The following AOPEP variants were observed in gnomAD, a reference collection of about 807,000 sequenced individuals.
The protein encoded by AOPEP is aminopeptidase O (putative).
In AOPEP, 77 loss-of-function variants were observed where a neutral mutation model predicts 98.1. The observed-to-expected ratio is 0.78, with a 90% CI of 0.65 to 0.95. AOPEP has a LOEUF of 0.95. Among genes scored for constraint, AOPEP ranks in the 40% least tolerant of loss-of-function variants. The pLI is 0.00. For missense variants in AOPEP, 1,024 were observed against 1,024.7 expected, an observed-to-expected ratio of 1.00 and a Z score of 0.01; for synonymous variants, 346 against 365.3, an observed-to-expected ratio of 0.95 and a Z score of 0.60.
chr9:95,090,419 C>T (rs547632485), downstream of AOPEP, among the ~76,000 whole-genome samples: 6 of 152,332 alleles, frequency 3.9e-5, no homozygotes, highest in South Asian at 1.2e-3. Flanking sequence ...TAAACCATGT[C>T]CCCTGCTGCC....
intron 5 of AOPEP, among the ~76,000 whole-genome samples, chr9:94,861,409 T>A (rs1174126290): frequency 6.6e-6 from 1 of 152,222 alleles, no homozygotes; most frequent in Non-Finnish European, 1.5e-5. Flanking sequence ...GGTTCTTTCC[T>A]GTGTATTCAT....
intron 11 of AOPEP, among the ~76,000 whole-genome samples, chr9:94,991,506 T>A (rs937952684): frequency 6.6e-6 from 1 of 152,204 alleles, no homozygotes; most frequent in African/African-American, 2.4e-5. Flanking sequence ...AGCTATGGCT[T>A]GAGTACAGGA....
At chr9:94,831,454 T>C (rs1276184388) in intron 5 of AOPEP, among the ~76,000 whole-genome samples, 1 of 152,218 alleles carries the variant, frequency 6.6e-6, no homozygotes, top group Non-Finnish European at 1.5e-5. Flanking sequence ...TTGGTTACTG[T>C]AGCCTTGTAG....
At chr9:94,733,999 T>TC (rs1208083023) in intron 1 of AOPEP, among the ~76,000 whole-genome samples, 4 of 152,252 alleles carry the variant, frequency 2.6e-5, no homozygotes, top group African/African-American at 9.6e-5. Flanking sequence ...ATGTGCGTTC[T>TC]ATATTTATTC....
At chr9:94,840,732 A>C (rs371427046) in intron 5 of AOPEP, among the ~76,000 whole-genome samples, 2 of 152,104 alleles carry the variant, frequency 1.3e-5, no homozygotes, top group Non-Finnish European at 2.9e-5. Flanking sequence ...GGAAGTTTAT[A>C]GTATTCATGC....
rs545146639 is a variant in AOPEP at position 94,881,574 on chromosome 9, AC to A, written c.1365-42410del. Among the ~76,000 whole-genome samples, 14 of 152,278 alleles carry A rather than the reference AC, an allele frequency of 9.2e-5. No homozygotes were observed. The South Asian group carries it at 2.9e-3, about 32-fold the overall frequency. Reference sequence around the variant, plus strand: ...CCTCTCAAAATGTTCAGCTAAGGCCACCAATTCAGTCATGTCTGTAACTTCC... The same window carrying A: ...CCTCTCAAAATGTTCAGCTAAGGCCACAATTCAGTCATGTCTGTAACTTCC... On this transcript the variant is annotated intron_variant, in intron 5 of 16. Coordinates refer to ENST00000375315, the MANE Select transcript of AOPEP (RefSeq NM_001193329.3).
chr9:94,964,269 G>T lies in AOPEP; in HGVS notation c.1873-3489G>T, dbSNP rs1237282150. Among the ~76,000 whole-genome samples the T allele has an allele frequency of 5.3e-5, 8 of 152,180 alleles. No individual in the cohort carries two copies. The East Asian group carries it at 1.5e-3, about 29-fold the overall frequency. On this transcript the variant is annotated intron_variant, in intron 9 of 16. Coordinates refer to ENST00000375315, the MANE Select transcript of AOPEP (RefSeq NM_001193329.3). ...AGGCCTGAGCTCTGAGGTAGGAAGA[G>T]GCAGGTGCTCCAGGATCACAGCCCA...
chr9:95,074,911 G>A (rs1212342604), intron 14 of AOPEP, among the ~76,000 whole-genome samples: 2 of 152,216 alleles, frequency 1.3e-5, no homozygotes, highest in Non-Finnish European at 2.9e-5. Context: ...TCCTTGATAG[G>A]TGAGGTGTTG....
At chr9:95,085,553 G>C (rs779625121) in intron 16 of AOPEP, 1 of 492,308 alleles carries the variant, frequency 2.0e-6, no homozygotes, top group South Asian at 1.5e-5. Flanking sequence ...GATGGGGACA[G>C]TTAAGTTGGA....
chr9:94,752,444 A>G (rs1227338457), intron 1 of AOPEP, among the ~76,000 whole-genome samples: 1 of 152,164 alleles, frequency 6.6e-6, no homozygotes, highest in Non-Finnish European at 1.5e-5. Flanking sequence ...GCATGCTAAT[A>G]ACAAAATTCT....
At chr9:95,033,266 T>TA (rs1271442470) in intron 13 of AOPEP, among the ~76,000 whole-genome samples, 1 of 152,202 alleles carries the variant, frequency 6.6e-6, no homozygotes. Context: ...TTTCTAGTAC[T>TA]AACGTCTCCT....
chr9:94,745,948 G>A (rs184156744), intron 1 of AOPEP, among the ~76,000 whole-genome samples: 2 of 152,182 alleles, frequency 1.3e-5, no homozygotes, highest in Non-Finnish European at 2.9e-5. Flanking sequence ...CCTCCATACT[G>A]TACTTCATAG....
At chr9:95,000,569 G>A (rs759802483) in intron 11 of AOPEP, among the ~76,000 whole-genome samples, 3 of 152,098 alleles carry the variant, frequency 2.0e-5, no homozygotes, top group Non-Finnish European at 2.9e-5. Flanking sequence ...TTAGCTGGAC[G>A]TGGTGGCAGG....
the AOPEP span, chr9:95,135,230 A>G: frequency 2.0e-6 from 2 of 1,008,758 alleles, no homozygotes; most frequent in African/African-American, 3.2e-5. Flanking sequence ...ACGATTATAT[A>G]TAAAGGTTCC....
chr9:94,910,396 C>T (rs893729105), intron 5 of AOPEP, among the ~76,000 whole-genome samples: 7 of 152,190 alleles, frequency 4.6e-5, no homozygotes, highest in African/African-American at 1.7e-4. Context: ...CTTCCTTGTC[C>T]TCTGGCTTCC....
At chr9:95,079,231 T>G (rs903619243) in intron 14 of AOPEP, among the ~76,000 whole-genome samples, 8 of 152,250 alleles carry the variant, frequency 5.3e-5, no homozygotes, top group African/African-American at 1.9e-4. Context: ...TCCTTCAATC[T>G]TAACTGTTTG....
intron 14 of AOPEP, among the ~76,000 whole-genome samples, chr9:95,077,921 A>G (rs920304977): frequency 7.2e-5 from 11 of 152,068 alleles, no homozygotes; most frequent in East Asian, 1.9e-4. Flanking sequence ...AGCAGGAACT[A>G]TCTGGCCTGC....
At position 94,955,995 on chromosome 9, in the gene AOPEP, GGACAGCT is replaced by G. The variant is rs1316755584; in HGVS notation, c.1855_1861del (p.Gln619PhefsTer67). On this transcript the variant is annotated frameshift_variant, in exon 9 of 17. Coordinates refer to ENST00000375315, the MANE Select transcript of AOPEP (RefSeq NM_001193329.3). LOFTEE classifies it high-confidence loss of function. ...AAGAAAATTTGTGCACACATTTCAT[GGACAGCT>G]GATTCTTTCCCAGGTAACTTATGGG... 1 of 1,611,624 alleles carries G rather than the reference GGACAGCT, an allele frequency of 6.2e-7. No individual in the cohort carries two copies. Among genetic ancestry groups the G allele is most frequent in the Non-Finnish European group, 8.5e-7 (1 of 1,178,152 alleles).
intron 5 of AOPEP, among the ~76,000 whole-genome samples, chr9:94,907,069 C>T (rs776376517): frequency 4.6e-5 from 7 of 152,024 alleles, no homozygotes; most frequent in Admixed American, 2.0e-4. Context: ...GTTTCTCACC[C>T]GAAGGGAACA....
Sources: allele counts gnomAD v4.1 joint callset (sites outside exome capture counted in the v4.1 genomes callset), GRCh38; gene constraint gnomAD v4.1.1; transcripts MANE v1.5; gene names NCBI Gene and HGNC (gene_info 2026-07-23, HGNC 2026-07-21).